IL1RAPL1: variants seen among roughly 807,000 people sequenced by gnomAD.
IL1RAPL1 encodes the protein interleukin-1 receptor accessory protein-like 1.
In IL1RAPL1, 3 loss-of-function variants were observed where a neutral mutation model predicts 48.4. The observed-to-expected ratio is 0.06, with a 90% CI of 0.03 to 0.16. The LOEUF is 0.16. Among genes scored for constraint, IL1RAPL1 ranks in the 10% least tolerant of loss-of-function variants. The pLI, the probability that IL1RAPL1 is intolerant of heterozygous loss-of-function variation, is 1.00. For missense variants in IL1RAPL1, 349 were observed against 530.6 expected, an observed-to-expected ratio of 0.66 and a Z score of 3.36; for synonymous variants, 185 against 187.7, an observed-to-expected ratio of 0.99 and a Z score of 0.12.
chrX:29,443,259 T>TCC (rs1491287425), intron 5 of IL1RAPL1, among the ~76,000 whole-genome samples: 1 of 110,310 alleles, frequency 9.1e-6, no homozygotes, highest in African/African-American at 3.3e-5. Context: ...TCTCTCTCTC[T>TCC]GTCTCAATCT....
At chrX:29,483,017 A>G (rs1278015714) in intron 5 of IL1RAPL1, among the ~76,000 whole-genome samples, 1 of 112,195 alleles carries the variant, frequency 8.9e-6, no homozygotes, top group Non-Finnish European at 1.9e-5. Flanking sequence ...TAAAAAGATC[A>G]GTTCCTTTAT....
intron 1 of IL1RAPL1, among the ~76,000 whole-genome samples, chrX:28,702,458 C>G (rs888131140): frequency 4.5e-5 from 5 of 111,921 alleles, no homozygotes; most frequent in African/African-American, 1.6e-4. Context: ...GCACTTTCAA[C>G]TTTAAGAATA....
At chrX:29,790,919 AC>A (rs768847323) in intron 6 of IL1RAPL1, among the ~76,000 whole-genome samples, 69 of 111,738 alleles carry the variant, frequency 6.2e-4, no homozygotes, top group African/African-American at 2.1e-3. Flanking sequence ...AGTATATATA[AC>A]TGGACCTTGC....
At chrX:29,355,302 T>C (rs1242328349) in intron 3 of IL1RAPL1, among the ~76,000 whole-genome samples, 2 of 111,778 alleles carry the variant, frequency 1.8e-5, no homozygotes, top group Non-Finnish European at 3.8e-5. Flanking sequence ...CCTACAATCT[T>C]AATATCAAAT....
At chrX:29,572,682 C>G (rs758517042) in intron 5 of IL1RAPL1, among the ~76,000 whole-genome samples, 13 of 112,411 alleles carry the variant, frequency 1.2e-4, no homozygotes, top group African/African-American at 4.2e-4. Flanking sequence ...TGCTTATTCT[C>G]CCTGTAGAAA....
chrX:28,873,699 T>G lies in IL1RAPL1; in HGVS notation c.82+84274T>G, dbSNP rs757135236. Among the ~76,000 whole-genome samples, 8 of 107,116 alleles carry G rather than the reference T, an allele frequency of 7.5e-5. No homozygotes were observed. The East Asian group carries it at 2.1e-3, about 28-fold the overall frequency. 93.0% of individuals were successfully genotyped at this position (107,116 alleles called of 115,157 possible). A position where few individuals can be genotyped will look rare whatever the true frequency, so the allele number is the denominator to read the frequency against. Reference sequence around the variant, plus strand: ...GGAGCCCGCCACCACAGCCGGCTAATTTTTTGTATTTTTAGTAGAGACGGG... The same window carrying G: ...GGAGCCCGCCACCACAGCCGGCTAAGTTTTTGTATTTTTAGTAGAGACGGG... On this transcript the variant is annotated intron_variant, in intron 2 of 10. Transcript: ENST00000378993.
rs185592242 is a variant in IL1RAPL1 at position 29,660,169 on chromosome X, G to A, written c.704-8261G>A. On this transcript the variant is annotated intron_variant, in intron 5 of 10. Transcript: ENST00000378993. ...CCATGATCCAGTCACCTCCCACAAG[G>A]CCCCTCCTCCAACATTGAGGATTAC... is the stretch of plus-strand genomic sequence containing the variant. Among the ~76,000 whole-genome samples, 18 of 109,625 alleles carry A rather than the reference G, an allele frequency of 1.6e-4. No homozygotes were observed. In the East Asian group the frequency reaches 5.1e-3, roughly 31 times the overall value.
intron 5 of IL1RAPL1, among the ~76,000 whole-genome samples, chrX:29,490,174 G>A (rs780706029): frequency 6.4e-5 from 7 of 110,233 alleles, no homozygotes; most frequent in Non-Finnish European, 9.5e-5. Context: ...TTGAATAAAT[G>A]CATGAATACA....
chrX:29,834,018 C>T (rs1180936651), intron 6 of IL1RAPL1, among the ~76,000 whole-genome samples: 1 of 111,989 alleles, frequency 8.9e-6, no homozygotes, highest in East Asian at 2.8e-4. Flanking sequence ...CCATCGCCTC[C>T]ACCATAAAGC....
chrX:28,873,243 T>C (rs1210555114), intron 2 of IL1RAPL1, among the ~76,000 whole-genome samples: 1 of 107,391 alleles, frequency 9.3e-6, no homozygotes, highest in Non-Finnish European at 1.9e-5. Context: ...CCCAAGTAGC[T>C]GGAATTACAG....
intron 9 of IL1RAPL1, 136 bp from the exon 10 acceptor site, chrX:29,954,382 AACTT>A (rs1410116101): frequency 1.4e-5 from 7 of 508,994 alleles, no homozygotes; most frequent in Non-Finnish European, 2.4e-5. Context: ...AACTCAATGA[AACTT>A]AATGAAGGCT....
chrX:28,617,364 C>T (rs1412467954), intron 1 of IL1RAPL1, among the ~76,000 whole-genome samples: 1 of 111,394 alleles, frequency 9.0e-6, no homozygotes, highest in Non-Finnish European at 1.9e-5. Flanking sequence ...TTTCTAAATT[C>T]TATTAAAATG....
chrX:29,565,350 G>A (rs1161176689), intron 5 of IL1RAPL1, among the ~76,000 whole-genome samples: 2 of 109,493 alleles, frequency 1.8e-5, no homozygotes, highest in Admixed American at 1.9e-4. Context: ...AACATTTAGA[G>A]TCGCTAAAAA....
At chrX:29,757,745 A>T (rs1017989710) in intron 6 of IL1RAPL1, among the ~76,000 whole-genome samples, 1 of 112,373 alleles carries the variant, frequency 8.9e-6, no homozygotes, top group Admixed American at 9.5e-5. Context: ...AAATATAAGA[A>T]TGTACATTCA....
chrX:29,359,807 C>T (rs1408164828), intron 3 of IL1RAPL1, among the ~76,000 whole-genome samples: 1 of 111,419 alleles, frequency 9.0e-6, no homozygotes, highest in African/African-American at 3.3e-5. Context: ...CAGCTTTTCC[C>T]CCCACACGGA....
chrX:28,868,876 C>A (rs981265792), intron 2 of IL1RAPL1, among the ~76,000 whole-genome samples: 1 of 111,933 alleles, frequency 8.9e-6, no homozygotes, highest in Admixed American at 9.5e-5. Flanking sequence ...CATTAAATTT[C>A]TTGTATTGAT....
chrX:29,227,452 A>G (rs1309407911), intron 2 of IL1RAPL1, among the ~76,000 whole-genome samples: 1 of 111,683 alleles, frequency 9.0e-6, no homozygotes, highest in Non-Finnish European at 1.9e-5. Context: ...TTAATTTGCA[A>G]TCAGGAGAGG....
chrX:29,720,405 A>C (rs1443336784), intron 6 of IL1RAPL1, among the ~76,000 whole-genome samples: 1 of 109,883 alleles, frequency 9.1e-6, no homozygotes, highest in African/African-American at 3.4e-5. Flanking sequence ...CATATACACC[A>C]TGAAATACTA....
At chrX:29,391,794 C>G (rs1263754008) in intron 3 of IL1RAPL1, among the ~76,000 whole-genome samples, 1 of 111,401 alleles carries the variant, frequency 9.0e-6, no homozygotes, top group African/African-American at 3.3e-5. Context: ...AACCCAGCAC[C>G]AATTGCCTCC....
Sources: allele counts gnomAD v4.1 joint callset (sites outside exome capture counted in the v4.1 genomes callset), GRCh38; gene constraint gnomAD v4.1.1; transcripts MANE v1.5; gene names NCBI Gene and HGNC (gene_info 2026-07-23, HGNC 2026-07-21).